The following P3H2 variants were observed in gnomAD, a reference collection of about 807,000 sequenced individuals.
P3H2 encodes prolyl 3-hydroxylase 2.
A neutral mutation model predicts 87.0 loss-of-function variants in P3H2; 80 were observed. That is an observed-to-expected ratio of 0.92 (90% confidence interval 0.77 to 1.11). P3H2 has a LOEUF of 1.11. Among genes scored for constraint, P3H2 ranks in the 50% least tolerant of loss-of-function variants. P3H2 has a pLI of 0.00. For missense variants in P3H2, 1,001 were observed against 923.9 expected, an observed-to-expected ratio of 1.08 and a Z score of -1.08; for synonymous variants, 367 against 359.3, an observed-to-expected ratio of 1.02 and a Z score of -0.24.
intron 1 of P3H2, among the ~76,000 whole-genome samples, chr3:190,045,989 G>C (rs1474219187): frequency 6.6e-6 from 1 of 152,100 alleles, no homozygotes; most frequent in Admixed American, 6.5e-5. Context: ...CAGCCGTGGT[G>C]GCGGGCGCCT....
chr3:190,026,210 A>G (rs565266606), intron 1 of P3H2, among the ~76,000 whole-genome samples: 1 of 152,218 alleles, frequency 6.6e-6, no homozygotes, highest in Admixed American at 6.5e-5. Context: ...TAAAAGTCAA[A>G]TTTTGGGGAA....
chr3:190,039,506 T>C (rs1180325770), intron 1 of P3H2, among the ~76,000 whole-genome samples: 1 of 152,028 alleles, frequency 6.6e-6, no homozygotes, highest in African/African-American at 2.4e-5. Context: ...CTAAGAGTCT[T>C]ATATATTGTT....
chr3:190,086,561 G>A (rs1405519022), intron 1 of P3H2, among the ~76,000 whole-genome samples: 2 of 152,172 alleles, frequency 1.3e-5, no homozygotes, highest in East Asian at 1.9e-4. Flanking sequence ...GTGCATAGGC[G>A]TGAGGTTCTG....
At chr3:189,982,440 C>T (rs1723565570) in intron 8 of P3H2, among the ~76,000 whole-genome samples, 1 of 152,212 alleles carries the variant, frequency 6.6e-6, no homozygotes. Context: ...TTTGGCAACA[C>T]TCCACCTGTT....
At chr3:190,008,898 A>G (rs2108933077) in intron 1 of P3H2, among the ~76,000 whole-genome samples, 1 of 152,210 alleles carries the variant, frequency 6.6e-6, no homozygotes, top group Non-Finnish European at 1.5e-5. Context: ...GCAAATACCT[A>G]TAATTTAGGG....
At chr3:189,982,261 G>T (rs1292948279) in intron 8 of P3H2, among the ~76,000 whole-genome samples, 2 of 152,178 alleles carry the variant, frequency 1.3e-5, no homozygotes, top group African/African-American at 2.4e-5. Flanking sequence ...TCCCACATGA[G>T]ATGCTGTTAG....
At chr3:190,089,223 G>GT (rs1363888975) in intron 1 of P3H2, among the ~76,000 whole-genome samples, 4 of 152,048 alleles carry the variant, frequency 2.6e-5, no homozygotes, top group Admixed American at 6.5e-5. Context: ...CTGTCGTGGG[G>GT]CGGGGGAAGC....
rs145444671 is a variant in P3H2 at position 190,018,225 on chromosome 3, G to C, written c.481-22783C>G. ...CTTGATGAACTAATCACTCACATTT[G>C]CCACTAATTCAATCTCTCTTGCATC... On this transcript the variant is annotated intron_variant, in intron 1 of 14. Coordinates refer to ENST00000319332, the MANE Select transcript of P3H2 (RefSeq NM_018192.4). Among the ~76,000 whole-genome samples the C allele has an allele frequency of 5.0e-3, 760 of 152,188 alleles. 6 individuals carry two copies. The highest frequency in any genetic ancestry group is 0.017 in the African/African-American group (726 of 41,502).
chr3:190,065,147 A>T (rs1435116776), intron 1 of P3H2, among the ~76,000 whole-genome samples: 3 of 152,192 alleles, frequency 2.0e-5, no homozygotes, highest in African/African-American at 4.8e-5. Flanking sequence ...TTCAGATTCC[A>T]TCTGGTTGTT....
At chr3:190,041,031 TATATATACACACACACAC>T (rs1371518884) in intron 1 of P3H2, among the ~76,000 whole-genome samples, 3 of 51,686 alleles carry the variant, frequency 5.8e-5, no homozygotes, top group African/African-American at 2.0e-4. Context: ...TATATATATA[TATATATACACACACACAC>T]ACACACACAC....
chr3:190,016,617 AAAT>A (rs960935333), intron 1 of P3H2, among the ~76,000 whole-genome samples: 6 of 152,180 alleles, frequency 3.9e-5, no homozygotes, highest in Non-Finnish European at 7.3e-5. Flanking sequence ...TGGTTAGAAA[AAAT>A]AATAATAATA....
At chr3:190,112,147 C>A (rs1311935594) in intron 1 of P3H2, among the ~76,000 whole-genome samples, 1 of 151,712 alleles carries the variant, frequency 6.6e-6, no homozygotes, top group Non-Finnish European at 1.5e-5. Context: ...GTGGATCTTA[C>A]AACTAGTGGT....
At chr3:190,007,891 C>A (rs1171791140) in intron 1 of P3H2, among the ~76,000 whole-genome samples, 1 of 144,908 alleles carries the variant, frequency 6.9e-6, no homozygotes, top group Non-Finnish European at 1.5e-5. Flanking sequence ...ACTCTTTCGG[C>A]CAAAAACCTT....
chr3:189,977,101 C>T (rs73060923), intron 8 of P3H2, among the ~76,000 whole-genome samples: 1,626 of 152,244 alleles, frequency 0.011, 24 homozygotes, highest in African/African-American at 0.037. Flanking sequence ...CTTCCTGCAG[C>T]AGAGACTTTA....
At chr3:190,058,871 A>C (rs1000778551) in intron 1 of P3H2, among the ~76,000 whole-genome samples, 1 of 152,216 alleles carries the variant, frequency 6.6e-6, no homozygotes, top group Non-Finnish European at 1.5e-5. Context: ...CAGCGAGAAA[A>C]CAACTGATTT....
At chr3:190,119,840 G>A (rs995444083) in intron 1 of P3H2, among the ~76,000 whole-genome samples, 26 of 109,936 alleles carry the variant, frequency 2.4e-4, no homozygotes, top group African/African-American at 1.1e-3. Context: ...GGAAGGATAA[G>A]AGAGAGGAGA....
At chr3:189,985,323 G>A (rs1056765030) in intron 6 of P3H2, among the ~76,000 whole-genome samples, 3 of 151,370 alleles carry the variant, frequency 2.0e-5, no homozygotes, top group African/African-American at 7.3e-5. Context: ...TATTCTTGCT[G>A]GTCATCAAAA....
At chr3:190,100,876 C>T (rs1035035153) in intron 1 of P3H2, among the ~76,000 whole-genome samples, 10 of 152,046 alleles carry the variant, frequency 6.6e-5, no homozygotes, top group Middle Eastern at 3.2e-3. Context: ...AGGTTTGTGG[C>T]GACCTTGCAT....
chr3:190,037,970 C>A (rs1263585487), intron 1 of P3H2, among the ~76,000 whole-genome samples: 2 of 152,142 alleles, frequency 1.3e-5, no homozygotes, highest in African/African-American at 4.8e-5. Flanking sequence ...TCTCAAAGAT[C>A]TCCAAGATCT....
Sources: allele counts gnomAD v4.1 joint callset (sites outside exome capture counted in the v4.1 genomes callset), GRCh38; gene constraint gnomAD v4.1.1; transcripts MANE v1.5; gene names NCBI Gene and HGNC (gene_info 2026-07-23, HGNC 2026-07-21).